SHISA9: variants seen among roughly 807,000 people sequenced by gnomAD.
SHISA9 encodes protein shisa-9.
A neutral mutation model predicts 38.0 loss-of-function variants in SHISA9; 13 were observed. The observed-to-expected ratio is 0.34, with a 90% CI of 0.22 to 0.54. The LOEUF (loss-of-function observed/expected upper bound fraction) is 0.54, where lower values mean the gene tolerates loss of function less well. SHISA9 is among the 20% of genes least tolerant of loss of function. SHISA9 has a pLI of 0.91. For synonymous variants in SHISA9, 275 were observed against 242.0 expected (o/e 1.14, Z -1.27); for missense variants, 538 against 575.8 (o/e 0.93, Z 0.67).
the SHISA9 span, among the ~76,000 whole-genome samples, chr16:13,312,546 A>C: frequency 6.6e-6 from 1 of 152,312 alleles, no homozygotes; most frequent in South Asian, 2.1e-4. Context: ...AGAATCCATG[A>C]TATATTAAGC....
At chr16:13,075,606 G>A (rs1157309197) in intron 2 of SHISA9, among the ~76,000 whole-genome samples, 1 of 152,212 alleles carries the variant, frequency 6.6e-6, no homozygotes, top group Non-Finnish European at 1.5e-5. Context: ...CTGAGCAGGA[G>A]CGGCCCATTC....
chr16:13,529,723 C>G, the SHISA9 span, among the ~76,000 whole-genome samples: 2 of 152,286 alleles, frequency 1.3e-5, no homozygotes, highest in Middle Eastern at 3.4e-3. Context: ...AAAAACAACA[C>G]CAACCTATAG....
chr16:13,049,196 G>GTGTGTGTGTGTGTGTT (rs1470308261), intron 2 of SHISA9, among the ~76,000 whole-genome samples: 55 of 145,790 alleles, frequency 3.8e-4, no homozygotes, highest in South Asian at 2.5e-3. Flanking sequence ...GTGTGTGTGT[G>GTGTGTGTGTGTGTGTT]TGTGTGTGTA....
chr16:12,943,510 T>G (rs764069785), intron 2 of SHISA9, among the ~76,000 whole-genome samples: 2 of 152,240 alleles, frequency 1.3e-5, no homozygotes, highest in South Asian at 4.2e-4. Flanking sequence ...TATATTTTAC[T>G]TTGCTGTCTT....
At chr16:13,380,518 C>T in the SHISA9 span, among the ~76,000 whole-genome samples, 1 of 152,158 alleles carries the variant, frequency 6.6e-6, no homozygotes, top group East Asian at 1.9e-4. Flanking sequence ...AGAATTCTAT[C>T]CTCATTCAAA....
the SHISA9 span, among the ~76,000 whole-genome samples, chr16:13,359,733 G>A: frequency 6.6e-6 from 1 of 152,080 alleles, no homozygotes; most frequent in East Asian, 1.9e-4. Context: ...CTTTTTTCTA[G>A]CAGATGCGGT....
the SHISA9 span, among the ~76,000 whole-genome samples, chr16:13,476,270 GAGAAGCC>G: frequency 6.6e-6 from 1 of 152,158 alleles, no homozygotes; most frequent in Non-Finnish European, 1.5e-5. Context: ...TCCAGGCAAT[GAGAAGCC>G]AGACCACTTA....
At chr16:12,979,592 T>A (rs1283529913) in intron 2 of SHISA9, among the ~76,000 whole-genome samples, 1 of 152,190 alleles carries the variant, frequency 6.6e-6, no homozygotes, top group Non-Finnish European at 1.5e-5. Context: ...CGTATAGTCT[T>A]GAACGTGTAT....
At chr16:13,249,475 G>T in the SHISA9 span, among the ~76,000 whole-genome samples, 33,489 of 152,084 alleles carry the variant, frequency 0.22, 4,080 homozygotes, top group African/African-American at 0.32. Context: ...ATTTGACAAA[G>T]ATATGCTGAG....
chr16:13,109,175 T>C (rs1015144117), intron 2 of SHISA9, among the ~76,000 whole-genome samples: 16 of 152,288 alleles, frequency 1.1e-4, no homozygotes, highest in African/African-American at 3.6e-4. Flanking sequence ...TACAGATATG[T>C]GCCATCATGC....
At chr16:13,001,849 G>A (rs944876807) in intron 2 of SHISA9, among the ~76,000 whole-genome samples, 1 of 152,072 alleles carries the variant, frequency 6.6e-6, no homozygotes, top group African/African-American at 2.4e-5. Flanking sequence ...AAATCAATAT[G>A]GGTTGATGAG....
At chr16:13,363,549 G>A in the SHISA9 span, among the ~76,000 whole-genome samples, 1 of 152,168 alleles carries the variant, frequency 6.6e-6, no homozygotes, top group Non-Finnish European at 1.5e-5. Flanking sequence ...GTGTATTCTG[G>A]ACACATGAAA....
At chr16:13,215,046 C>G (rs1277518379) in intron 4 of SHISA9, among the ~76,000 whole-genome samples, 1 of 152,064 alleles carries the variant, frequency 6.6e-6, no homozygotes, top group Admixed American at 6.5e-5. Flanking sequence ...CACTGGAAGG[C>G]TCTTGCAGGT....
At chr16:13,091,349 T>C (rs1015356844) in intron 2 of SHISA9, among the ~76,000 whole-genome samples, 1 of 152,234 alleles carries the variant, frequency 6.6e-6, no homozygotes, top group African/African-American at 2.4e-5. Flanking sequence ...TTGGCCTGCC[T>C]TGCTAGGTTG....
intron 2 of SHISA9, among the ~76,000 whole-genome samples, chr16:12,987,819 G>A (rs577207601): frequency 6.6e-6 from 1 of 152,180 alleles, no homozygotes; most frequent in Non-Finnish European, 1.5e-5. Flanking sequence ...TACCAGGCAC[G>A]ATGCTAAACA....
chr16:13,265,503 C>T, the SHISA9 span, among the ~76,000 whole-genome samples: 2 of 131,986 alleles, frequency 1.5e-5, no homozygotes, highest in African/African-American at 5.8e-5. Context: ...ATTCCCTTCC[C>T]CTCCTCTTCC....
chr16:13,283,377 C>T, the SHISA9 span, among the ~76,000 whole-genome samples: 1 of 152,086 alleles, frequency 6.6e-6, no homozygotes, highest in Non-Finnish European at 1.5e-5. Context: ...TGTTCTCACA[C>T]TGCTAATAAA....
chr16:13,118,839 C>T lies in SHISA9; in HGVS notation c.692-84555C>T, dbSNP rs1400364168. Among the ~76,000 whole-genome samples the T allele has an allele frequency of 5.4e-5, 8 of 148,688 alleles. No individual in the cohort carries two copies. In the South Asian group the frequency reaches 1.1e-3, roughly 20 times the overall value. On this transcript the variant is annotated intron_variant, in intron 2 of 4. Coordinates refer to ENST00000558583, the MANE Select transcript of SHISA9 (RefSeq NM_001145204.3). ...CCACCTCACGGGTTCAAGCCATTTT[C>T]CTTCCTCAGCCTCCAGAGTAGCTGG... is the stretch of plus-strand genomic sequence containing the variant.
chr16:12,904,499 T>C (rs1389022885), intron 1 of SHISA9, among the ~76,000 whole-genome samples: 1 of 152,102 alleles, frequency 6.6e-6, no homozygotes, highest in African/African-American at 2.4e-5. Context: ...GGGCCCAACT[T>C]CCTGGTCCTG....
Sources: allele counts gnomAD v4.1 joint callset (sites outside exome capture counted in the v4.1 genomes callset), GRCh38; gene constraint gnomAD v4.1.1; transcripts MANE v1.5; gene names NCBI Gene and HGNC (gene_info 2026-07-23, HGNC 2026-07-21).